KCNIP4: variants seen among roughly 807,000 people sequenced by gnomAD.
The protein encoded by KCNIP4 is potassium voltage-gated channel interacting protein 4, also known as Kv channel-interacting protein 4.
KCNIP4 carries 12 observed loss-of-function variants against 34.0 expected under a neutral mutation model. The observed-to-expected ratio is 0.35, with a 90% CI of 0.23 to 0.57. KCNIP4 has a LOEUF of 0.57. Among genes scored for constraint, KCNIP4 ranks in the 20% least tolerant of loss-of-function variants. KCNIP4 has a pLI of 0.83. For missense variants in KCNIP4, 238 were observed against 311.7 expected (o/e 0.76, Z 1.78); for synonymous variants, 124 against 102.2 (o/e 1.21, Z -1.29).
At chr4:20,790,342 G>A (rs1223207303) in intron 3 of KCNIP4, among the ~76,000 whole-genome samples, 5 of 152,114 alleles carry the variant, frequency 3.3e-5, no homozygotes, top group African/African-American at 9.7e-5. Context: ...GTACACTACT[G>A]TAGAATTTAT....
chr4:20,918,473 T>C (rs1344055725), intron 1 of KCNIP4, among the ~76,000 whole-genome samples: 4 of 152,224 alleles, frequency 2.6e-5, no homozygotes, highest in Non-Finnish European at 5.9e-5. Context: ...TCTCTTTTAA[T>C]ACTTTTATGG....
intron 1 of KCNIP4, among the ~76,000 whole-genome samples, chr4:21,301,665 A>G (rs896342409): frequency 3.3e-5 from 5 of 152,194 alleles, no homozygotes; most frequent in African/African-American, 9.6e-5. Context: ...AAAACTATGA[A>G]GATGCTAGCT....
intron 1 of KCNIP4, among the ~76,000 whole-genome samples, chr4:20,959,474 G>T (rs1490174545): frequency 6.6e-6 from 1 of 152,182 alleles, no homozygotes; most frequent in Non-Finnish European, 1.5e-5. Flanking sequence ...ATTGTTGAAA[G>T]CTAGTATATG....
intron 1 of KCNIP4, among the ~76,000 whole-genome samples, chr4:21,508,087 C>G (rs1444689247): frequency 6.6e-6 from 1 of 152,168 alleles, no homozygotes; most frequent in Non-Finnish European, 1.5e-5. Context: ...AGCATCCAAA[C>G]ACCATAGCAT....
chr4:21,400,523 CTCTT>C (rs547443992), intron 1 of KCNIP4, among the ~76,000 whole-genome samples: 529 of 48,310 alleles, frequency 0.011, 16 homozygotes, highest in African/African-American at 0.032. Flanking sequence ...CTCTTCTCTT[CTCTT>C]CTCTTCTCTT....
chr4:21,322,324 CA>C (rs1714584979), intron 1 of KCNIP4, among the ~76,000 whole-genome samples: 2 of 152,108 alleles, frequency 1.3e-5, no homozygotes, highest in African/African-American at 4.8e-5. Context: ...CAACCAACCT[CA>C]GGGGAGGAGG....
chr4:21,114,349 C>T (rs1036615172), intron 1 of KCNIP4, among the ~76,000 whole-genome samples: 1 of 152,110 alleles, frequency 6.6e-6, no homozygotes, highest in East Asian at 1.9e-4. Flanking sequence ...TTCTTTATTT[C>T]CCTTTTATGT....
chr4:20,851,857 A>T (rs73242525), intron 2 of KCNIP4, among the ~76,000 whole-genome samples: 2 of 151,958 alleles, frequency 1.3e-5, no homozygotes, highest in African/African-American at 2.4e-5. Context: ...ATAGCCTCTG[A>T]TAATGTTCAC....
chr4:20,992,052 T>C (rs1441124250), intron 1 of KCNIP4, among the ~76,000 whole-genome samples: 1 of 151,932 alleles, frequency 6.6e-6, no homozygotes, highest in Non-Finnish European at 1.5e-5. Context: ...GAAGAGAAAC[T>C]GAATGAATAT....
chr4:21,646,891 G>A (rs1359490188), intron 1 of KCNIP4, among the ~76,000 whole-genome samples: 1 of 152,072 alleles, frequency 6.6e-6, no homozygotes, highest in Non-Finnish European at 1.5e-5. Flanking sequence ...AATCTCAAAT[G>A]AGAAGGTAAA....
chr4:20,799,685 G>T lies in KCNIP4; in HGVS notation c.289-40795C>A, dbSNP rs532989140. ...CTGTTACTGTACCCAGGCTCACAGA[G>T]CCTGGGCTTCTGTCATGTCCCACCA... On this transcript the variant is annotated intron_variant, in intron 3 of 8. Coordinates refer to ENST00000382152, the MANE Select transcript of KCNIP4 (RefSeq NM_025221.6). 4.1e-4 allele frequency among the ~76,000 whole-genome samples: 62 copies of T among 152,272 alleles called. No individual in the cohort carries two copies. The South Asian group carries it at 0.011, about 27-fold the overall frequency.
chr4:20,964,511 GTCT>G (rs1734151558), intron 1 of KCNIP4, among the ~76,000 whole-genome samples: 1 of 152,156 alleles, frequency 6.6e-6, no homozygotes, highest in African/African-American at 2.4e-5. Flanking sequence ...CAGCAAGATC[GTCT>G]TTTTTGGGGG....
At chr4:21,283,348 A>G (rs190891375) in intron 1 of KCNIP4, among the ~76,000 whole-genome samples, 1 of 152,238 alleles carries the variant, frequency 6.6e-6, no homozygotes. Context: ...AAAATTATGT[A>G]AAAATTTCAG....
At chr4:21,127,643 G>A (rs1194216398) in intron 1 of KCNIP4, among the ~76,000 whole-genome samples, 10 of 152,238 alleles carry the variant, frequency 6.6e-5, no homozygotes, top group African/African-American at 2.4e-4. Context: ...CCCATAATAG[G>A]TGCTTAACAT....
intron 1 of KCNIP4, among the ~76,000 whole-genome samples, chr4:21,140,581 C>T (rs1751872221): frequency 6.6e-6 from 1 of 152,038 alleles, no homozygotes; most frequent in African/African-American, 2.4e-5. Flanking sequence ...TTCTAAAAAC[C>T]AGCTTGAATT....
At chr4:21,912,959 A>T (rs1388508487) in intron 1 of KCNIP4, among the ~76,000 whole-genome samples, 1 of 151,976 alleles carries the variant, frequency 6.6e-6, no homozygotes, top group Non-Finnish European at 1.5e-5. Context: ...TAGAGAGTAA[A>T]CTGAAGAAGA....
chr4:21,746,063 C>T (rs955881378), intron 1 of KCNIP4, among the ~76,000 whole-genome samples: 1 of 152,098 alleles, frequency 6.6e-6, no homozygotes, highest in Non-Finnish European at 1.5e-5. Flanking sequence ...TTGCAAATGG[C>T]CACATTCTTG....
At position 21,602,031 on chromosome 4, in the gene KCNIP4, A is replaced by G. The variant is rs377221821; in HGVS notation, c.61+346540T>C. Among the ~76,000 whole-genome samples, 4 of 152,260 alleles carry G rather than the reference A, an allele frequency of 2.6e-5. No homozygotes were observed. In the South Asian group the frequency reaches 6.2e-4, roughly 24 times the overall value. On this transcript the variant is annotated intron_variant, in intron 1 of 8. Transcript: ENST00000382152. The stretch of plus-strand genomic sequence containing the variant: ...TATAGTCATGCCCCTCCCCAACGCA[A>G]TTGTAAGGACACCATTTCAATAAGC...
intron 1 of KCNIP4, among the ~76,000 whole-genome samples, chr4:21,201,954 A>G (rs1756530404): frequency 6.6e-6 from 1 of 152,260 alleles, no homozygotes; most frequent in South Asian, 2.1e-4. Flanking sequence ...TAAGGTAGGT[A>G]AAACTTTAAA....
Sources: allele counts gnomAD v4.1 joint callset (sites outside exome capture counted in the v4.1 genomes callset), GRCh38; gene constraint gnomAD v4.1.1; transcripts MANE v1.5; gene names NCBI Gene and HGNC (gene_info 2026-07-23, HGNC 2026-07-21).